The following BAG4 variants were observed in gnomAD, a reference collection of about 807,000 sequenced individuals.
BAG4 encodes the protein BAG cochaperone 4, also known as BAG family molecular chaperone regulator 4.
BAG4 carries 28 observed loss-of-function variants against 52.1 expected under a neutral mutation model. The observed-to-expected ratio is 0.54, with a 90% CI of 0.40 to 0.74. The LOEUF (loss-of-function observed/expected upper bound fraction) is 0.74. Ranked by LOEUF, BAG4 falls within the 30% of genes least tolerant of loss-of-function variation. The pLI is 0.00. For synonymous variants in BAG4, 208 were observed against 217.0 expected (o/e 0.96, Z 0.37); for missense variants, 525 against 572.0 (o/e 0.92, Z 0.84).
intron 1 of BAG4, among the ~76,000 whole-genome samples, chr8:38,191,884 C>A (rs1242066766): frequency 6.6e-6 from 1 of 151,120 alleles, no homozygotes; most frequent in Non-Finnish European, 1.5e-5. Flanking sequence ...TATATTTAGT[C>A]TTTTATCAAA....
intron 1 of BAG4, among the ~76,000 whole-genome samples, chr8:38,181,173 C>T (rs1357389532): frequency 6.6e-6 from 1 of 151,444 alleles, no homozygotes; most frequent in African/African-American, 2.4e-5. Context: ...GATCTCCTGA[C>T]CTCGTGATCC....
chr8:38,187,426 C>A lies in BAG4; in HGVS notation c.271-5262C>A, dbSNP rs546978536. Among the ~76,000 whole-genome samples, 3 of 152,264 alleles carry A rather than the reference C, an allele frequency of 2.0e-5. No individual in the cohort carries two copies. The East Asian group carries it at 5.8e-4, about 29-fold the overall frequency. On this transcript the variant is annotated intron_variant, in intron 1 of 4. Coordinates refer to ENST00000287322, the MANE Select transcript of BAG4 (RefSeq NM_004874.4). ...TGCAATATGAAGGAGAGAAAAAAGA[C>A]TGATGTGTTGGAGAAGTGTCAGACA...
At position 38,189,450 on chromosome 8, in the gene BAG4, G is replaced by T. The variant is rs1402141349; in HGVS notation, c.271-3238G>T. 5.3e-5 allele frequency among the ~76,000 whole-genome samples: 8 copies of T among 152,118 alleles called. 1 individual carries two copies. The highest frequency in any genetic ancestry group is 1.9e-4 in the African/African-American group (8 of 41,426). On this transcript the variant is annotated intron_variant, in intron 1 of 4. Transcript: ENST00000287322. ...TTGAAGTAATTCTTTTTTCTCTGTG[G>T]TTATGTTACCAACTTGATTGTTAGT...
intron 1 of BAG4, among the ~76,000 whole-genome samples, chr8:38,180,711 T>C (rs1342731877): frequency 1.3e-5 from 2 of 152,058 alleles, no homozygotes; most frequent in African/African-American, 2.4e-5. Flanking sequence ...GTCCATGGAC[T>C]AGAAGCCTCG....
intron 3 of BAG4, 121 bp from the exon 4 acceptor site, chr8:38,208,892 C>T (rs554263983): frequency 7.5e-5 from 90 of 1,196,606 alleles, no homozygotes; most frequent in African/African-American, 7.3e-4. Flanking sequence ...CAGTTTAGTC[C>T]GGTAGCAGCT....
At chr8:38,204,123 A>G (rs1803729146) in intron 2 of BAG4, 1 of 152,234 alleles carries the variant, frequency 6.6e-6, no homozygotes, top group South Asian at 2.1e-4. Flanking sequence ...CAGCTTTGTG[A>G]TCTGTCAGGA....
At chr8:38,208,731 G>GT (rs1013053898) in intron 3 of BAG4, among the ~76,000 whole-genome samples, 5 of 152,214 alleles carry the variant, frequency 3.3e-5, no homozygotes, top group African/African-American at 1.2e-4. Flanking sequence ...TTTGTTTATA[G>GT]TATCTATGGG....
At chr8:38,177,948 TC>T (rs995001506) in intron 1 of BAG4, among the ~76,000 whole-genome samples, 2 of 152,192 alleles carry the variant, frequency 1.3e-5, no homozygotes, top group Non-Finnish European at 2.9e-5. Context: ...AGTGAAATTC[TC>T]GTACATTGCT....
In BAG4 at chr8:38,208,265, G is replaced by A. The variant is rs567637327; in HGVS notation, c.633+499G>A. Among the ~76,000 whole-genome samples the A allele has an allele frequency of 5.4e-5, 8 of 148,332 alleles. No individual in the cohort carries two copies. The South Asian group carries it at 8.5e-4, about 16-fold the overall frequency. ...GCTGGGATTACAGGCATGAGCCACC[G>A]TGCCAGGCAAATCTTAGCCTTTTTT... is the stretch of plus-strand genomic sequence containing the variant. On this transcript the variant is annotated intron_variant, in intron 3 of 4. Coordinates refer to ENST00000287322, the MANE Select transcript of BAG4 (RefSeq NM_004874.4).
At chr8:38,207,231 G>A (rs1211302372) in intron 2 of BAG4, among the ~76,000 whole-genome samples, 1 of 152,052 alleles carries the variant, frequency 6.6e-6, no homozygotes, top group Non-Finnish European at 1.5e-5. Context: ...AGGATTACAG[G>A]CTTGAGCCAC....
rs559831314 is a variant in BAG4, at chr8:38,207,233, T to G, written c.379-279T>G. ...CTCCCAAAGTGCTAGGATTACAGGC[T>G]TGAGCCACTGTGCCTGGCAATGCCT... On this transcript the variant is annotated intron_variant, in intron 2 of 4. Transcript: ENST00000287322. 4.6e-5 allele frequency among the ~76,000 whole-genome samples: 7 copies of G among 151,900 alleles called. No homozygotes were observed. In the South Asian group the frequency reaches 1.0e-3, roughly 23 times the overall value.
At chr8:38,197,283 C>G (rs994052658) in intron 2 of BAG4, among the ~76,000 whole-genome samples, 1 of 152,154 alleles carries the variant, frequency 6.6e-6, no homozygotes, top group Non-Finnish European at 1.5e-5. Flanking sequence ...TTTCACAAGT[C>G]TAGATGGTAC....
chr8:38,202,595 C>T (rs142098381), intron 2 of BAG4, among the ~76,000 whole-genome samples: 3,012 of 146,288 alleles, frequency 0.021, 90 homozygotes, highest in African/African-American at 0.073. Flanking sequence ...GGCTGGAGTG[C>T]AATGGCATGA....
chr8:38,200,624 G>A (rs991286210), intron 2 of BAG4, among the ~76,000 whole-genome samples: 2 of 151,328 alleles, frequency 1.3e-5, no homozygotes, highest in African/African-American at 2.4e-5. Flanking sequence ...TTGAGCTGGA[G>A]TTTTGCTCTT....
Position 38,209,231 on chromosome 8 carries a change from C to T in BAG4, c.852C>T (p.Pro284=). Residue 284 remains proline (P), a synonymous_variant, in exon 4 of 5, where the codon CCC becomes CCT. Transcript: ENST00000287322. ...STSPWPSSGS[P]QSPPSPPVQQ... ...CACCATGGCCTAGCAGTGGCTCTCC[C>T]CAGTCACCCCCTTCACCCCCAGTCC... is the stretch of plus-strand genomic sequence containing the variant. 6.2e-7 allele frequency: 1 copy of T among 1,614,192 alleles called. No individual in the cohort carries two copies. Among genetic ancestry groups the T allele is most frequent in the East Asian group, 2.2e-5 (1 of 44,884 alleles).
chr8:38,194,650 G>A (rs1406439874), intron 2 of BAG4, among the ~76,000 whole-genome samples: 1 of 150,056 alleles, frequency 6.7e-6, no homozygotes, highest in African/African-American at 2.4e-5. Context: ...TCCTGACCTC[G>A]TGGTCCGCCC....
chr8:38,176,899 C>T lies in BAG4; in HGVS notation c.30C>T (p.Gly10=). Residue 10 remains glycine, a synonymous_variant, in exon 1 of 5, where the codon GGC becomes GGT. Coordinates refer to ENST00000287322, the MANE Select transcript of BAG4 (RefSeq NM_004874.4). MSALRRSGY[G]PSDGPSYGRY... ...CGGCCCTGAGGCGCTCGGGCTACGGCCCCAGTGACGGTCCGTCCTACGGCC... is the reference window on the plus strand; with the variant it reads ...CGGCCCTGAGGCGCTCGGGCTACGGTCCCAGTGACGGTCCGTCCTACGGCC... The T allele has an allele frequency of 6.5e-7, 1 of 1,546,778 alleles. No individual in the cohort carries two copies. The highest frequency in any genetic ancestry group is 8.7e-7 in the Non-Finnish European group (1 of 1,145,696).
chr8:38,207,577 T>C lies in BAG4; in HGVS notation c.444T>C (p.Thr148=). The C allele has an allele frequency of 6.2e-7, 1 of 1,613,892 alleles. No homozygotes were observed. The highest frequency in any genetic ancestry group is 8.5e-7 in the Non-Finnish European group (1 of 1,179,800). Residue 148 remains threonine (T), a synonymous_variant, in exon 3 of 5, where the codon ACT becomes ACC. Coordinates refer to ENST00000287322, the MANE Select transcript of BAG4 (RefSeq NM_004874.4). Reference sequence around the variant, plus strand: ...ACCCCCCAGGCCCTGGGGCAAATACTGCCTCATACTCAGGGGCTTATTATG... The same window carrying C: ...ACCCCCCAGGCCCTGGGGCAAATACCGCCTCATACTCAGGGGCTTATTATG... ...PTYPPGPGAN[T]ASYSGAYYAP...
Position 38,177,063 on chromosome 8 carries a change from AAGGCGGAGG to A in BAG4, c.200_208del (p.Gly67_Gly69del), listed in dbSNP as rs1803170880. Reference sequence around the variant, plus strand: ...CCGGCGGAGACCACCTGGCTGGGAGAAGGCGGAGGAGGCGATGGCTACTATCCCTCGGGA... The same window carrying A: ...CCGGCGGAGACCACCTGGCTGGGAGAAGGCGATGGCTACTATCCCTCGGGA... On this transcript the variant is annotated inframe_deletion, in exon 1 of 5. Transcript: ENST00000287322. The A allele has an allele frequency of 6.2e-7, 1 of 1,610,720 alleles. No homozygotes were observed. The highest frequency in any genetic ancestry group is 8.5e-7 in the Non-Finnish European group (1 of 1,179,096).
Sources: allele counts gnomAD v4.1 joint callset (sites outside exome capture counted in the v4.1 genomes callset), GRCh38; gene constraint gnomAD v4.1.1; transcripts MANE v1.5; gene names NCBI Gene and HGNC (gene_info 2026-07-23, HGNC 2026-07-21).